Variants in AMBRA1 observed in about 807,000 individuals in gnomAD.
The protein encoded by AMBRA1 is autophagy and beclin 1 regulator 1.
In AMBRA1, 47 loss-of-function variants were observed where a neutral mutation model predicts 125.4. That is an observed-to-expected ratio of 0.37 (90% CI 0.30 to 0.48). AMBRA1 has a LOEUF of 0.48. Among genes scored for constraint, AMBRA1 ranks in the 20% least tolerant of loss-of-function variants. AMBRA1 has a pLI of 0.99. For synonymous variants in AMBRA1, 626 were observed against 655.5 expected, an observed-to-expected ratio of 0.95 and a Z score of 0.69; for missense variants, 1,331 against 1,693.4, an observed-to-expected ratio of 0.79 and a Z score of 3.76.
intron 14 of AMBRA1, among the ~76,000 whole-genome samples, chr11:46,427,316 TCAGCAG>T (rs772856782): frequency 1.3e-5 from 2 of 152,032 alleles, no homozygotes; most frequent in African/African-American, 2.4e-5. Flanking sequence ...ATGAACTTGA[TCAGCAG>T]CAGCAGCAGC....
At chr11:46,421,207 C>T (rs1946835138) in intron 14 of AMBRA1, among the ~76,000 whole-genome samples, 2 of 152,134 alleles carry the variant, frequency 1.3e-5, no homozygotes, top group South Asian at 2.1e-4. Context: ...TTGAGACCCC[C>T]GGGTTGTTGC....
intron 1 of AMBRA1, among the ~76,000 whole-genome samples, chr11:46,552,678 C>CA (rs571647388): frequency 0.023 from 1,331 of 57,076 alleles, 17 homozygotes; most frequent in African/African-American, 0.062. Context: ...GATTCTGTCT[C>CA]AAAAAAAAAA....
In AMBRA1 at chr11:46,465,388, T is replaced by C. The variant is rs574711263; in HGVS notation, c.2522-21790A>G. ...GCAATCATCTCTTCATCTTTTGTCC[T>C]TACCATATTGGAATAAAAACAAAAT... On this transcript the variant is annotated intron_variant, in intron 11 of 17. Coordinates refer to ENST00000683756, the MANE Select transcript of AMBRA1 (RefSeq NM_001387011.1). 5.3e-5 allele frequency among the ~76,000 whole-genome samples: 8 copies of C among 152,352 alleles called. 1 individual carries two copies. In the South Asian group the frequency reaches 1.7e-3, roughly 32 times the overall value.
At chr11:46,414,875 T>G (rs1440854513) in intron 15 of AMBRA1, among the ~76,000 whole-genome samples, 1 of 152,230 alleles carries the variant, frequency 6.6e-6, no homozygotes, top group Non-Finnish European at 1.5e-5. Flanking sequence ...AAGGCCTTAG[T>G]CTACTGCCAA....
intron 15 of AMBRA1, among the ~76,000 whole-genome samples, chr11:46,413,449 AC>A (rs1233579109): frequency 1.4e-4 from 21 of 152,226 alleles, no homozygotes; most frequent in African/African-American, 2.2e-4. Context: ...AGAGTTGAAG[AC>A]ACCCTCTCTG....
At position 46,434,954 on chromosome 11, in the gene AMBRA1, C is replaced by G. The variant is rs1174079966; in HGVS notation, c.2716G>C (p.Ala906Pro). 1 of 1,613,942 alleles carries G rather than the reference C, an allele frequency of 6.2e-7. No individual in the cohort carries two copies. Among genetic ancestry groups the G allele is most frequent in the Admixed American group, 1.7e-5 (1 of 60,000 alleles). The change falls in exon 13 of 18, where the codon GCT becomes CCT. Residue 906 changes from alanine to proline, a missense_variant. By Grantham distance (27) the Ala-to-Pro change is conservative. Transcript: ENST00000683756. ...DISADGQLLA[A>P]FIPSSQRGFP... ...CCCCTCTGGCTGCTGGGGATGAAAG[C>G]TGCCAGGAGCTGGCCATCTGCAGAA... is the stretch of plus-strand genomic sequence containing the variant.
chr11:46,535,202 TAAG>T (rs1269348937), intron 7 of AMBRA1, among the ~76,000 whole-genome samples: 3 of 152,236 alleles, frequency 2.0e-5, no homozygotes, highest in East Asian at 1.9e-4. Context: ...AACTTCTAAC[TAAG>T]AAGAACTCAG....
chr11:46,589,068 C>T (rs545686542), intron 1 of AMBRA1, among the ~76,000 whole-genome samples: 2 of 152,298 alleles, frequency 1.3e-5, no homozygotes, highest in South Asian at 2.1e-4. Context: ...ACCTTCCCTA[C>T]AGCCTCCTTA....
chr11:46,460,407 C>T (rs761945038), intron 11 of AMBRA1, among the ~76,000 whole-genome samples: 4 of 151,848 alleles, frequency 2.6e-5, no homozygotes, highest in African/African-American at 4.8e-5. Context: ...CTGCAAGCTC[C>T]GCCTCCCGGG....
intron 11 of AMBRA1, among the ~76,000 whole-genome samples, chr11:46,474,062 A>G (rs1177838230): frequency 6.6e-6 from 1 of 152,184 alleles, no homozygotes; most frequent in Admixed American, 6.5e-5. Context: ...GTATATTCCA[A>G]TGAATACACA....
At chr11:46,480,083 A>C (rs1949999345) in intron 11 of AMBRA1, among the ~76,000 whole-genome samples, 1 of 152,144 alleles carries the variant, frequency 6.6e-6, no homozygotes, top group African/African-American at 2.4e-5. Flanking sequence ...ATCTTTGATC[A>C]TTGCAGCACC....
chr11:46,584,529 TAATAAA>T lies in AMBRA1; in HGVS notation c.-121+9293_-121+9298del, dbSNP rs1210977610. On this transcript the variant is annotated intron_variant, in intron 1 of 17. Coordinates refer to ENST00000683756, the MANE Select transcript of AMBRA1 (RefSeq NM_001387011.1). ...CCTAAAACTTGAAGTATAATAATAA[TAATAAA>T]AAGAAAAAAAACAAAAAAAACAAAT... Among the ~76,000 whole-genome samples the T allele has an allele frequency of 5.3e-5, 8 of 149,752 alleles. No individual in the cohort carries two copies. In the East Asian group the frequency reaches 7.8e-4, roughly 15 times the overall value.
chr11:46,481,388 T>C (rs1950062509), intron 11 of AMBRA1, among the ~76,000 whole-genome samples: 1 of 152,194 alleles, frequency 6.6e-6, no homozygotes, highest in Non-Finnish European at 1.5e-5. Flanking sequence ...GAACACACTA[T>C]TTTTGTTTTT....
chr11:46,408,974 A>T (rs938369976), intron 16 of AMBRA1, among the ~76,000 whole-genome samples: 8 of 152,236 alleles, frequency 5.3e-5, no homozygotes, highest in Non-Finnish European at 1.0e-4. Context: ...CCCTTCAACA[A>T]CAGGCCCCTG....
At chr11:46,482,500 C>T (rs899724154) in intron 11 of AMBRA1, among the ~76,000 whole-genome samples, 5 of 152,200 alleles carry the variant, frequency 3.3e-5, no homozygotes, top group African/African-American at 1.2e-4. Context: ...GACAACTCAC[C>T]TTTCTAGCCA....
At chr11:46,465,491 A>C (rs1236907818) in intron 11 of AMBRA1, among the ~76,000 whole-genome samples, 2 of 152,154 alleles carry the variant, frequency 1.3e-5, no homozygotes, top group East Asian at 3.9e-4. Context: ...ATATTTTCTC[A>C]GAGAGTTCAC....
chr11:46,421,924 C>T (rs1222827947), intron 14 of AMBRA1, among the ~76,000 whole-genome samples: 2 of 152,168 alleles, frequency 1.3e-5, no homozygotes, highest in Non-Finnish European at 2.9e-5. Context: ...TAAGAGATGG[C>T]TCTGGTCTTC....
At chr11:46,573,621 G>A (rs2043844714) in intron 1 of AMBRA1, among the ~76,000 whole-genome samples, 2 of 150,062 alleles carry the variant, frequency 1.3e-5, no homozygotes, top group Non-Finnish European at 3.0e-5. Flanking sequence ...CAAATGAGTG[G>A]TCTTCCAGGG....
intron 11 of AMBRA1, among the ~76,000 whole-genome samples, chr11:46,487,319 C>T (rs138330734): frequency 4.6e-5 from 7 of 151,914 alleles, no homozygotes; most frequent in African/African-American, 1.7e-4. Flanking sequence ...ATAAAGTTAA[C>T]AATAATAACA....
Sources: gnomAD v4.1 joint callset for allele counts (sites outside exome capture counted in the v4.1 genomes callset) on GRCh38, gnomAD v4.1.1 for gene constraint, MANE v1.5 for transcripts, NCBI Gene and HGNC (gene_info 2026-07-23, HGNC 2026-07-21) for gene names.